The following CADPS variants were observed in gnomAD, a reference collection of about 807,000 sequenced individuals.
CADPS encodes the protein calcium dependent secretion activator.
CADPS carries 57 observed loss-of-function variants against 167.3 expected under a neutral mutation model. That is an observed-to-expected ratio of 0.34 (90% CI 0.28 to 0.42). The LOEUF (loss-of-function observed/expected upper bound fraction) is 0.42. CADPS is among the 20% of genes least tolerant of loss of function. The pLI is 1.00. For missense variants in CADPS, 1,414 were observed against 1,738.1 expected, an observed-to-expected ratio of 0.81 and a Z score of 3.32; for synonymous variants, 676 against 635.3, an observed-to-expected ratio of 1.06 and a Z score of -0.96.
chr3:62,626,810 GA>G (rs1444285363), intron 6 of CADPS, among the ~76,000 whole-genome samples: 1 of 152,042 alleles, frequency 6.6e-6, no homozygotes, highest in Non-Finnish European at 1.5e-5. Flanking sequence ...TAGATTTAAA[GA>G]AAAATATAAA....
intron 3 of CADPS, among the ~76,000 whole-genome samples, chr3:62,724,900 G>A (rs958083635): frequency 6.6e-6 from 1 of 152,232 alleles, no homozygotes; most frequent in Non-Finnish European, 1.5e-5. Context: ...GGAAATAGAT[G>A]CAAAATGATC....
Position 62,492,348 on chromosome 3 carries a change from T to C in CADPS, c.2826A>G (p.Pro942=). The part of the protein sequence containing the change: ...DMDAALEVQP[P]DTWDSFPLFQ... ...ATAGTGGAAAACTGTCCCATGTGTC[T>C]GGAGGTTGCACCTCTAAGGCTGCAT... The change falls in exon 20 of 30, where the codon CCA becomes CCG. Residue 942 remains proline, a synonymous_variant. Coordinates refer to ENST00000383710, the MANE Select transcript of CADPS (RefSeq NM_003716.4). 6.2e-7 allele frequency: 1 copy of C among 1,614,096 alleles called. No individual in the cohort carries two copies. The highest frequency in any genetic ancestry group is 8.5e-7 in the Non-Finnish European group (1 of 1,179,924).
intron 3 of CADPS, among the ~76,000 whole-genome samples, chr3:62,682,364 T>C (rs952151717): frequency 1.3e-5 from 2 of 152,068 alleles, no homozygotes; most frequent in African/African-American, 2.4e-5. Flanking sequence ...TGGAGCTTAA[T>C]TGGGAGTTCT....
intron 26 of CADPS, among the ~76,000 whole-genome samples, chr3:62,461,387 G>T (rs889748079): frequency 6.6e-6 from 1 of 152,082 alleles, no homozygotes; most frequent in East Asian, 1.9e-4. Context: ...GCAGAGCTGG[G>T]TTACCATCCC....
intron 26 of CADPS, among the ~76,000 whole-genome samples, chr3:62,448,603 C>T (rs963986448): frequency 1.3e-5 from 2 of 148,530 alleles, no homozygotes; most frequent in African/African-American, 2.5e-5. Context: ...ATTTTTGGTT[C>T]GGGATATTGA....
chr3:62,657,278 C>T (rs1196840726), intron 4 of CADPS, among the ~76,000 whole-genome samples: 1 of 152,050 alleles, frequency 6.6e-6, no homozygotes, highest in South Asian at 2.1e-4. Context: ...GTCTAAGTGG[C>T]ATTTTCATAT....
At chr3:62,698,174 A>T (rs2080693954) in intron 3 of CADPS, among the ~76,000 whole-genome samples, 1 of 152,132 alleles carries the variant, frequency 6.6e-6, no homozygotes, top group Non-Finnish European at 1.5e-5. Context: ...AGAAAGTATC[A>T]TTCAGAGAGA....
In CADPS at chr3:62,561,418, A is replaced by AT. The variant is rs538116044; in HGVS notation, c.1645-3906dup. On this transcript the variant is annotated intron_variant, in intron 9 of 29. Transcript: ENST00000383710. ...GAGGCATGTACCACCATGCCTGGCT[A>AT]TTTTTTTTTTTTTTTAATTTTTTGG... 2.7e-3 allele frequency among the ~76,000 whole-genome samples: 369 copies of AT among 136,428 alleles called. 1 individual carries two copies. Among genetic ancestry groups the AT allele is most frequent in the Middle Eastern group, 7.7e-3 (2 of 260 alleles). The allele number at this position is 136,428 out of a possible 152,430, so 89.5% of individuals were successfully genotyped here.
intron 3 of CADPS, among the ~76,000 whole-genome samples, chr3:62,715,421 T>TTA (rs3081433): frequency 0.64 from 94,294 of 147,352 alleles, 30,568 homozygotes; most frequent in East Asian, 0.77. Context: ...AAATATATAT[T>TTA]TATATATATT....
chr3:62,738,669 T>C (rs1013182649), intron 3 of CADPS, among the ~76,000 whole-genome samples: 1 of 152,116 alleles, frequency 6.6e-6, no homozygotes, highest in Non-Finnish European at 1.5e-5. Context: ...GAGGTTGCAG[T>C]GAGCCAAGAT....
chr3:62,789,497 C>T (rs898345771), intron 1 of CADPS, among the ~76,000 whole-genome samples: 3 of 152,140 alleles, frequency 2.0e-5, no homozygotes, highest in African/African-American at 7.2e-5. Context: ...ATAAATTTAA[C>T]AGTATTTTGC....
intron 3 of CADPS, among the ~76,000 whole-genome samples, chr3:62,700,115 A>G (rs1351269587): frequency 1.3e-5 from 2 of 152,162 alleles, no homozygotes; most frequent in Non-Finnish European, 2.9e-5. Flanking sequence ...ATTAAATAAT[A>G]TAAACCACCC....
chr3:62,825,603 C>T (rs888567778), intron 1 of CADPS, among the ~76,000 whole-genome samples: 3 of 152,120 alleles, frequency 2.0e-5, no homozygotes, highest in African/African-American at 7.2e-5. Flanking sequence ...AAGTGAGGCT[C>T]AAAAGGTAAG....
rs2060089903 is a variant in CADPS at position 62,467,581 on chromosome 3, C to T, written c.3478-1168G>A. ...GTAATTGGAAGACCTGGATAAAGTC[C>T]CAGTGCAAAGTTGGGAAGTCATGTT... On this transcript the variant is annotated intron_variant, in intron 24 of 29. Transcript: ENST00000383710. 1.3e-5 allele frequency among the ~76,000 whole-genome samples: 2 copies of T among 151,856 alleles called. 1 individual carries two copies. The highest frequency in any genetic ancestry group is 1.3e-4 in the Admixed American group (2 of 15,224).
chr3:62,820,259 C>T (rs1049666639), intron 1 of CADPS, among the ~76,000 whole-genome samples: 8 of 152,034 alleles, frequency 5.3e-5, no homozygotes, highest in African/African-American at 7.2e-5. Flanking sequence ...TACAAGGTGC[C>T]GAGATGATCA....
chr3:62,627,901 C>T (rs537062401), intron 6 of CADPS, among the ~76,000 whole-genome samples: 24 of 152,294 alleles, frequency 1.6e-4, no homozygotes, highest in Non-Finnish European at 3.2e-4. Flanking sequence ...CAACCTCAAA[C>T]TGTCATGTGA....
chr3:62,539,796 T>C (rs948489928), intron 11 of CADPS, among the ~76,000 whole-genome samples: 1 of 152,180 alleles, frequency 6.6e-6, no homozygotes, highest in Non-Finnish European at 1.5e-5. Flanking sequence ...ACTACATTGA[T>C]TGGAAACGGC....
intron 1 of CADPS, among the ~76,000 whole-genome samples, chr3:62,780,561 A>C (rs573463834): frequency 2.6e-5 from 4 of 152,300 alleles, no homozygotes; most frequent in Admixed American, 2.6e-4. Flanking sequence ...TGTTTGAATT[A>C]CTTTTTTCTA....
At position 62,619,033 on chromosome 3, in the gene CADPS, T is replaced by C. The variant is rs1406050110; in HGVS notation, c.1326-26285A>G. On this transcript the variant is annotated intron_variant, in intron 6 of 29. Transcript: ENST00000383710. ...GGGCCAATTCTGGCCTATTGCCTGG[T>C]TTTGTAAATAAAGTCTAATTGGAGC... Among the ~76,000 whole-genome samples, 8 of 152,356 alleles carry C rather than the reference T, an allele frequency of 5.3e-5. No individual in the cohort carries two copies. The East Asian group carries it at 1.5e-3, about 29-fold the overall frequency.
Sources: allele counts gnomAD v4.1 joint callset (sites outside exome capture counted in the v4.1 genomes callset), GRCh38; gene constraint gnomAD v4.1.1; transcripts MANE v1.5; gene names NCBI Gene and HGNC (gene_info 2026-07-23, HGNC 2026-07-21).